Variants in ATRNL1 observed in about 807,000 individuals in gnomAD.
ATRNL1 encodes attractin-like protein 1.
A neutral mutation model predicts 182.7 loss-of-function variants in ATRNL1; 95 were observed. The ratio of observed to expected loss-of-function variants is 0.52; its 90% CI spans 0.44 to 0.62. The LOEUF (loss-of-function observed/expected upper bound fraction) is 0.62, where lower values mean the gene tolerates loss of function less well. Ranked by LOEUF, ATRNL1 falls within the 20% of genes least tolerant of loss-of-function variation. The probability of loss-of-function intolerance (pLI) is 0.00; values close to 1 mark genes in which losing one functional copy is unlikely to be tolerated. For missense variants in ATRNL1, 1,471 were observed against 1,679.5 expected (o/e 0.88, Z 2.17); for synonymous variants, 576 against 568.3 (o/e 1.01, Z -0.19).
chr10:115,834,511 G>T (rs539109659), intron 27 of ATRNL1, among the ~76,000 whole-genome samples: 7 of 152,104 alleles, frequency 4.6e-5, no homozygotes, highest in South Asian at 2.1e-4. Flanking sequence ...AAGTTTGTTT[G>T]CCTGTCTCTA....
intron 27 of ATRNL1, among the ~76,000 whole-genome samples, chr10:115,783,738 G>A (rs1949325949): frequency 6.6e-6 from 1 of 152,114 alleles, no homozygotes; most frequent in Non-Finnish European, 1.5e-5. Flanking sequence ...TTCGGGGCCG[G>A]GCGCGGTGGC....
intron 26 of ATRNL1, among the ~76,000 whole-genome samples, chr10:115,634,802 G>A (rs1260226192): frequency 6.6e-6 from 1 of 152,096 alleles, no homozygotes; most frequent in African/African-American, 2.4e-5. Context: ...AATATTGTCA[G>A]TGTCTAGATG....
At chr10:115,319,029 A>C (rs12253499) in intron 18 of ATRNL1, among the ~76,000 whole-genome samples, 42,625 of 152,000 alleles carry the variant, frequency 0.28, 7,009 homozygotes, top group East Asian at 0.68. Context: ...GTGGGCATTT[A>C]GTGCTATAAA....
chr10:115,596,837 A>G (rs1856272945), intron 26 of ATRNL1, among the ~76,000 whole-genome samples: 1 of 152,194 alleles, frequency 6.6e-6, no homozygotes, highest in Admixed American at 6.5e-5. Flanking sequence ...ATTATTATTC[A>G]TAAATGTGAG....
At chr10:115,545,662 A>G (rs7078404) in intron 25 of ATRNL1, among the ~76,000 whole-genome samples, 16,073 of 152,270 alleles carry the variant, frequency 0.11, 2,812 homozygotes, top group African/African-American at 0.36. Context: ...AATCTTTATT[A>G]TGTAACTCTT....
intron 27 of ATRNL1, among the ~76,000 whole-genome samples, chr10:115,769,793 T>C (rs1216927802): frequency 1.3e-5 from 2 of 152,174 alleles, no homozygotes; most frequent in African/African-American, 2.4e-5. Flanking sequence ...ATCATACATA[T>C]AAAGGGCTTC....
chr10:115,833,564 A>G (rs1555094430), intron 27 of ATRNL1, among the ~76,000 whole-genome samples: 1 of 152,200 alleles, frequency 6.6e-6, no homozygotes, highest in African/African-American at 2.4e-5. Context: ...ATTAAATAAT[A>G]ATCACTGACA....
intron 26 of ATRNL1, among the ~76,000 whole-genome samples, chr10:115,581,044 G>A (rs1322626826): frequency 1.3e-5 from 2 of 152,062 alleles, no homozygotes; most frequent in Non-Finnish European, 2.9e-5. Context: ...GGTTTCTGGA[G>A]ATTTATCTTG....
intron 27 of ATRNL1, among the ~76,000 whole-genome samples, chr10:115,777,583 A>G (rs2134181313): frequency 6.6e-6 from 1 of 152,284 alleles, no homozygotes; most frequent in Non-Finnish European, 1.5e-5. Context: ...GTTTTACTAA[A>G]TTTAAATTTA....
intron 8 of ATRNL1, among the ~76,000 whole-genome samples, chr10:115,201,075 G>GTTT (rs1431751302): frequency 8.0e-6 from 1 of 125,574 alleles, no homozygotes; most frequent in Non-Finnish European, 1.7e-5. Context: ...TGGTGGGCTT[G>GTTT]TTTTTTTTTT....
At chr10:115,559,836 G>C (rs1853583630) in intron 26 of ATRNL1, among the ~76,000 whole-genome samples, 1 of 152,080 alleles carries the variant, frequency 6.6e-6, no homozygotes, top group Non-Finnish European at 1.5e-5. Flanking sequence ...ACAAGTCAAG[G>C]ATGTCCACTC....
In ATRNL1 at chr10:115,405,285, A is replaced by AG. The variant is rs782062539; in HGVS notation, c.3269+10535dup. Among the ~76,000 whole-genome samples the AG allele has an allele frequency of 8.0e-4, 122 of 152,196 alleles. 2 individuals carry two copies. Among genetic ancestry groups the AG allele is most frequent in the Non-Finnish European group, 2.6e-4 (18 of 68,020 alleles). On this transcript the variant is annotated intron_variant, in intron 20 of 28. Coordinates refer to ENST00000355044, the MANE Select transcript of ATRNL1 (RefSeq NM_207303.4). ...TAGAAAATATATCTGGTATATGTGT[A>AG]GGTGTTTTATCAAAATATGGACTCT...
chr10:115,535,687 G>T (rs11197277), intron 25 of ATRNL1, among the ~76,000 whole-genome samples: 2 of 151,952 alleles, frequency 1.3e-5, no homozygotes, highest in East Asian at 1.9e-4. Flanking sequence ...AGGTGCTCTG[G>T]TTTTTAGAGT....
chr10:115,573,779 G>A (rs1854544537), intron 26 of ATRNL1, among the ~76,000 whole-genome samples: 1 of 152,150 alleles, frequency 6.6e-6, no homozygotes, highest in Non-Finnish European at 1.5e-5. Flanking sequence ...TCAAGAATAT[G>A]TAGCCCTTTG....
At chr10:115,201,970 A>C (rs1243693695) in intron 8 of ATRNL1, among the ~76,000 whole-genome samples, 18 of 151,620 alleles carry the variant, frequency 1.2e-4, no homozygotes, top group Non-Finnish European at 2.1e-4. Context: ...TGGATTCCTA[A>C]GTATTTTATT....
chr10:115,777,393 C>A (rs1949153999), intron 27 of ATRNL1, among the ~76,000 whole-genome samples: 1 of 151,846 alleles, frequency 6.6e-6, no homozygotes, highest in Admixed American at 6.6e-5. Flanking sequence ...ACTTGATATA[C>A]TAAAATATCA....
intron 26 of ATRNL1, among the ~76,000 whole-genome samples, chr10:115,583,895 G>C (rs1855305763): frequency 6.6e-6 from 1 of 151,278 alleles, no homozygotes; most frequent in African/African-American, 2.4e-5. Context: ...GTTTGTCATA[G>C]ACAGCTCTTA....
rs1212162452 is a variant in ATRNL1 at position 115,160,358 on chromosome 10, A to G, written c.1004+144A>G. The G allele has an allele frequency of 7.4e-6, 5 of 673,408 alleles. No homozygotes were observed. In the East Asian group the frequency reaches 1.1e-4, roughly 15 times the overall value. 41.7% of individuals were successfully genotyped at this position (673,408 alleles called of 1,614,324 possible). A position where few individuals can be genotyped will look rare whatever the true frequency, so the allele number is the denominator to read the frequency against. On this transcript the variant is annotated intron_variant, in intron 6 of 28. Transcript: ENST00000355044. ...GCTAGTGAGACTGATTTGTGAATAC[A>G]TGAACTCAGTATGTCCATAGCTGTC...
intron 25 of ATRNL1, among the ~76,000 whole-genome samples, chr10:115,541,731 CA>C (rs577065564): frequency 2.7e-5 from 4 of 150,858 alleles, no homozygotes; most frequent in Admixed American, 6.6e-5. Context: ...GAGACAGAAA[CA>C]AAAAAAATAC....
Sources: gnomAD v4.1 joint callset for allele counts (sites outside exome capture counted in the v4.1 genomes callset) on GRCh38, gnomAD v4.1.1 for gene constraint, MANE v1.5 for transcripts, NCBI Gene and HGNC (gene_info 2026-07-23, HGNC 2026-07-21) for gene names.